The following NXPH2 variants were observed in gnomAD, a reference collection of about 807,000 sequenced individuals.
NXPH2 encodes the protein neurexophilin 2, also known as neurexophilin-2.
A neutral mutation model predicts 19.8 loss-of-function variants in NXPH2; 5 were observed. The ratio of observed to expected loss-of-function variants is 0.25; its 90% confidence interval spans 0.13 to 0.53. The LOEUF is 0.53. Among genes scored for constraint, NXPH2 ranks in the 20% least tolerant of loss-of-function variants. NXPH2 has a pLI of 0.96. For missense variants in NXPH2, 289 were observed against 322.8 expected (o/e 0.90, Z 0.80); for synonymous variants, 154 against 127.4 (o/e 1.21, Z -1.41).
At chr2:138,713,966 A>G (rs1004688637) in intron 1 of NXPH2, among the ~76,000 whole-genome samples, 47 of 136,672 alleles carry the variant, frequency 3.4e-4, no homozygotes, top group Non-Finnish European at 6.4e-4. Context: ...AGAAACAAAC[A>G]AAAAAGCAAA....
intron 1 of NXPH2, among the ~76,000 whole-genome samples, chr2:138,749,802 GA>G (rs1368604412): frequency 6.6e-6 from 1 of 152,126 alleles, no homozygotes; most frequent in East Asian, 1.9e-4. Context: ...TTCTTTGTAA[GA>G]GATAAAATTT....
intron 1 of NXPH2, among the ~76,000 whole-genome samples, chr2:138,686,638 G>A (rs1049241246): frequency 3.3e-5 from 5 of 152,006 alleles, no homozygotes; most frequent in African/African-American, 1.2e-4. Flanking sequence ...TGCCATGTTG[G>A]TGTGCTGCAC....
chr2:138,757,443 G>T lies in NXPH2; in HGVS notation c.51+22748C>A, dbSNP rs898890678. On this transcript the variant is annotated intron_variant, in intron 1 of 1. Transcript: ENST00000272641. Reference sequence around the variant, plus strand: ...TCTCTGACATCTGGGTCAGGTGTGTGTGTAACTCTCTGAAGAAGGGCCCTA... The same window carrying T: ...TCTCTGACATCTGGGTCAGGTGTGTTTGTAACTCTCTGAAGAAGGGCCCTA... 2.2e-4 allele frequency among the ~76,000 whole-genome samples: 34 copies of T among 152,178 alleles called. 1 individual carries two copies. The highest frequency in any genetic ancestry group is 1.2e-3 in the Admixed American group (19 of 15,282).
intron 1 of NXPH2, among the ~76,000 whole-genome samples, chr2:138,698,780 G>A (rs1680868146): frequency 6.6e-6 from 1 of 152,144 alleles, no homozygotes; most frequent in Non-Finnish European, 1.5e-5. Context: ...CCTGAGCCCA[G>A]GAATTAGAGG....
chr2:138,757,823 ATC>A lies in NXPH2; in HGVS notation c.51+22366_51+22367del, dbSNP rs1573980226. On this transcript the variant is annotated intron_variant, in intron 1 of 1. Transcript: ENST00000272641. Reference sequence around the variant, plus strand: ...TATGTGTGTGTTTCTTTATCTATCTATCTATCTATCTATCTATCTATCTATCT... The same window carrying A: ...TATGTGTGTGTTTCTTTATCTATCTATATCTATCTATCTATCTATCTATCT... Among the ~76,000 whole-genome samples the A allele has an allele frequency of 1.9e-4, 22 of 115,900 alleles. No individual in the cohort carries two copies. The East Asian group carries it at 4.9e-3, about 26-fold the overall frequency. 76.0% of individuals were successfully genotyped at this position (115,900 alleles called of 152,430 possible). A position where few individuals can be genotyped will look rare whatever the true frequency, so the allele number is the denominator to read the frequency against.
At chr2:138,753,246 CTGTTGTTCACA>C (rs1423523363) in intron 1 of NXPH2, among the ~76,000 whole-genome samples, 2 of 152,092 alleles carry the variant, frequency 1.3e-5, no homozygotes, top group African/African-American at 4.8e-5. Context: ...TTAATTTACT[CTGTTGTTCACA>C]TTGACCAAGA....
chr2:138,683,541 A>G (rs955657966), intron 1 of NXPH2, among the ~76,000 whole-genome samples: 2 of 152,146 alleles, frequency 1.3e-5, no homozygotes, highest in African/African-American at 2.4e-5. Flanking sequence ...GACTTTGTGT[A>G]TGCTTTGTAT....
chr2:138,716,207 T>C (rs1416256860), intron 1 of NXPH2, among the ~76,000 whole-genome samples: 1 of 152,216 alleles, frequency 6.6e-6, no homozygotes, highest in African/African-American at 2.4e-5. Flanking sequence ...ATTATCTTCA[T>C]ATGGATATAT....
intron 1 of NXPH2, among the ~76,000 whole-genome samples, chr2:138,778,076 T>C (rs554656915): frequency 1.3e-5 from 2 of 152,164 alleles, no homozygotes; most frequent in African/African-American, 4.8e-5. Flanking sequence ...TATGCTGGGA[T>C]TGGGGAATAT....
chr2:138,749,884 TG>T (rs1681800686), intron 1 of NXPH2, among the ~76,000 whole-genome samples: 1 of 152,070 alleles, frequency 6.6e-6, no homozygotes, highest in Non-Finnish European at 1.5e-5. Context: ...TAAAACAGAG[TG>T]TGTCGCTTAT....
intron 1 of NXPH2, among the ~76,000 whole-genome samples, chr2:138,724,968 A>G (rs1288970228): frequency 3.3e-5 from 5 of 152,200 alleles, no homozygotes; most frequent in Non-Finnish European, 7.3e-5. Context: ...TCTGATTGCT[A>G]CTGAGCTCTC....
In NXPH2 at chr2:138,779,409, C is replaced by A. The variant is rs552743328; in HGVS notation, c.51+782G>T. On this transcript the variant is annotated intron_variant, in intron 1 of 1. Transcript: ENST00000272641. ...GTATATCAGGAGGAGGAGAGCGTGG[C>A]GCCTCGCGGGAAGAGAGAAGAGAGT... is the stretch of plus-strand genomic sequence containing the variant. Among the ~76,000 whole-genome samples the A allele has an allele frequency of 2.6e-5, 4 of 152,242 alleles. No individual in the cohort carries two copies. In the South Asian group the frequency reaches 8.3e-4, roughly 32 times the overall value.
intron 1 of NXPH2, among the ~76,000 whole-genome samples, chr2:138,704,143 G>A (rs1680973381): frequency 1.3e-5 from 2 of 152,300 alleles, no homozygotes; most frequent in South Asian, 4.1e-4. Context: ...ATTTGATAAA[G>A]GTCTAGCCTT....
intron 1 of NXPH2, among the ~76,000 whole-genome samples, chr2:138,728,618 A>T (rs1021703913): frequency 6.6e-6 from 1 of 152,196 alleles, no homozygotes; most frequent in Non-Finnish European, 1.5e-5. Flanking sequence ...CCTGAAACAC[A>T]TTCTTCCTTA....
chr2:138,766,113 T>C (rs148781061), intron 1 of NXPH2, among the ~76,000 whole-genome samples: 16 of 152,214 alleles, frequency 1.1e-4, no homozygotes, highest in African/African-American at 3.9e-4. Context: ...AAAAGGAAAA[T>C]TTGTCCAACA....
chr2:138,761,759 T>G (rs566007909), intron 1 of NXPH2, among the ~76,000 whole-genome samples: 6 of 152,306 alleles, frequency 3.9e-5, no homozygotes, highest in African/African-American at 1.4e-4. Context: ...ATATTTAACT[T>G]TCAAAGATTC....
At chr2:138,747,205 G>A (rs1201782763) in intron 1 of NXPH2, among the ~76,000 whole-genome samples, 1 of 152,174 alleles carries the variant, frequency 6.6e-6, no homozygotes, top group African/African-American at 2.4e-5. Context: ...GGACAAAGTT[G>A]ACAATTCAGT....
At chr2:138,740,570 TCGTTACGTAACTCTTTTTAATAAA>T (rs1447997402) in intron 1 of NXPH2, among the ~76,000 whole-genome samples, 1 of 152,126 alleles carries the variant, frequency 6.6e-6, no homozygotes, top group Non-Finnish European at 1.5e-5. Context: ...ATCAACCATA[TCGTTACGTAACTCTTTTTAATAAA>T]CAGAGTTATA....
At chr2:138,709,154 G>A (rs1365934264) in intron 1 of NXPH2, among the ~76,000 whole-genome samples, 1 of 152,014 alleles carries the variant, frequency 6.6e-6, no homozygotes. Flanking sequence ...AGAGTCGCTG[G>A]GGGATGCTGG....
Sources: allele counts gnomAD v4.1 joint callset (sites outside exome capture counted in the v4.1 genomes callset), GRCh38; gene constraint gnomAD v4.1.1; transcripts MANE v1.5; gene names NCBI Gene and HGNC (gene_info 2026-07-23, HGNC 2026-07-21).